MAML3: variants seen among roughly 807,000 people sequenced by gnomAD.
MAML3 encodes mastermind like transcriptional coactivator 3, also known as mastermind-like protein 3.
Under a neutral mutation model 101.9 loss-of-function variants are expected in MAML3, and 27 were observed. The observed-to-expected ratio is 0.27, with a 90% CI of 0.20 to 0.37. MAML3 has a LOEUF of 0.37. Ranked by LOEUF, MAML3 falls within the 10% of genes least tolerant of loss-of-function variation. The pLI is 1.00. For missense variants in MAML3, 1,316 were observed against 1,444.9 expected, an observed-to-expected ratio of 0.91 and a Z score of 1.45; for synonymous variants, 501 against 555.9, an observed-to-expected ratio of 0.90 and a Z score of 1.39.
rs1330196057 is a variant in MAML3 at position 139,905,513 on chromosome 4, T to A, written c.469-14546A>T. On this transcript the variant is annotated intron_variant, in intron 1 of 4. Coordinates refer to ENST00000509479, the MANE Select transcript of MAML3 (RefSeq NM_018717.5). ...TCTCAAAAAAAAAAAAAAAAATCAG[T>A]TAAATCAGTTATAGCTGGTTACAAA... Among the ~76,000 whole-genome samples the A allele has an allele frequency of 1.2e-3, 80 of 66,732 alleles. 1 individual carries two copies. The highest frequency in any genetic ancestry group is 0.011 in the East Asian group (30 of 2,754). 43.8% of individuals were successfully genotyped at this position (66,732 alleles called of 152,430 possible).
chr4:139,885,216 C>G (rs1346293611), intron 2 of MAML3, among the ~76,000 whole-genome samples: 1 of 151,696 alleles, frequency 6.6e-6, no homozygotes, highest in Non-Finnish European at 1.5e-5. Flanking sequence ...GACTGGGCAA[C>G]ATAGTGAGAC....
intron 2 of MAML3, among the ~76,000 whole-genome samples, chr4:139,861,681 A>G (rs920658995): frequency 1.3e-5 from 2 of 150,886 alleles, no homozygotes; most frequent in Non-Finnish European, 3.0e-5. Context: ...AGCCTCTCCA[A>G]CTCCTGTCGG....
At chr4:139,816,142 C>T (rs529307816) in intron 2 of MAML3, among the ~76,000 whole-genome samples, 2 of 152,172 alleles carry the variant, frequency 1.3e-5, no homozygotes, top group South Asian at 2.1e-4. Context: ...TTCAGTTTAG[C>T]TCCAACAGCC....
intron 2 of MAML3, among the ~76,000 whole-genome samples, chr4:139,733,143 T>TA (rs1042569972): frequency 2.3e-4 from 35 of 152,238 alleles, no homozygotes; most frequent in Non-Finnish European, 5.0e-4. Context: ...TGATTGGCTT[T>TA]ACACTTTAAC....
At chr4:139,851,273 T>C (rs1349197212) in intron 2 of MAML3, among the ~76,000 whole-genome samples, 2 of 152,264 alleles carry the variant, frequency 1.3e-5, no homozygotes, top group African/African-American at 2.4e-5. Context: ...ATCTATGGTC[T>C]AGGTCAGCTA....
intron 1 of MAML3, among the ~76,000 whole-genome samples, chr4:139,932,734 G>A (rs1211085448): frequency 6.6e-6 from 1 of 152,210 alleles, no homozygotes; most frequent in Non-Finnish European, 1.5e-5. Context: ...TCCCTTCAGA[G>A]TGGGTTCACC....
At chr4:140,126,891 TTAATA>T (rs1023674708) in intron 1 of MAML3, among the ~76,000 whole-genome samples, 2 of 152,218 alleles carry the variant, frequency 1.3e-5, no homozygotes, top group African/African-American at 4.8e-5. Flanking sequence ...AATGGACTCC[TTAATA>T]TATTTTGAAA....
intron 1 of MAML3, among the ~76,000 whole-genome samples, chr4:140,141,894 T>A (rs1415919254): frequency 6.6e-6 from 1 of 152,204 alleles, no homozygotes; most frequent in African/African-American, 2.4e-5. Context: ...TCCCGCCAAC[T>A]TTTTTCTCTT....
At chr4:140,147,719 A>G (rs1011077078) in intron 1 of MAML3, among the ~76,000 whole-genome samples, 1 of 152,256 alleles carries the variant, frequency 6.6e-6, no homozygotes, top group Non-Finnish European at 1.5e-5. Context: ...CAAGATGGGT[A>G]ATGTGGAAAA....
At chr4:139,741,464 G>T (rs1478053192) in intron 2 of MAML3, among the ~76,000 whole-genome samples, 1 of 152,152 alleles carries the variant, frequency 6.6e-6, no homozygotes, top group East Asian at 1.9e-4. Context: ...TTTAAATTGT[G>T]CCCTGAGCTG....
intron 2 of MAML3, among the ~76,000 whole-genome samples, chr4:139,861,298 T>C (rs137898603): frequency 6.6e-6 from 1 of 152,120 alleles, no homozygotes; most frequent in Non-Finnish European, 1.5e-5. Context: ...CCTCAACTCA[T>C]TCTCTTCTCC....
chr4:139,949,587 T>A (rs1200087586), intron 1 of MAML3, among the ~76,000 whole-genome samples: 1 of 152,222 alleles, frequency 6.6e-6, no homozygotes, highest in Non-Finnish European at 1.5e-5. Context: ...ACTATGGAAA[T>A]CTGAATATTA....
At chr4:139,933,148 A>AGGAAGGAAGGAGGGAAAGAGTGG (rs1733435360) in intron 1 of MAML3, among the ~76,000 whole-genome samples, 1 of 152,196 alleles carries the variant, frequency 6.6e-6, no homozygotes, top group Non-Finnish European at 1.5e-5. Flanking sequence ...GAAGGAAGCA[A>AGGAAGGAAGGAGGGAAAGAGTGG]GGAAGGAAGG....
At chr4:139,823,686 T>C (rs1230161329) in intron 2 of MAML3, among the ~76,000 whole-genome samples, 1 of 151,078 alleles carries the variant, frequency 6.6e-6, no homozygotes, top group Non-Finnish European at 1.5e-5. Context: ...CCATAGCACT[T>C]ATAACTGTCT....
chr4:140,154,124 G>T lies in MAML3; in HGVS notation c.-797C>A, dbSNP rs915503020. The T allele has an allele frequency of 3.3e-5, 6 of 181,984 alleles. No homozygotes were observed. Among genetic ancestry groups the T allele is most frequent in the Non-Finnish European group, 6.9e-5 (6 of 87,014 alleles). The allele number at this position is 181,984 out of a possible 1,614,324, so 11.3% of individuals were successfully genotyped here. ...TCAACTGCTCGCCGCCGCCGCCGCC[G>T]CCGCCTCCTCCTCCTCCTCTCGCTC... On this transcript the variant is annotated 5_prime_UTR_variant, in exon 1 of 5. Coordinates refer to ENST00000509479, the MANE Select transcript of MAML3 (RefSeq NM_018717.5).
In MAML3 at chr4:139,925,135, G is replaced by C. The variant is rs563283368; in HGVS notation, c.469-34168C>G. Among the ~76,000 whole-genome samples, 5 of 152,234 alleles carry C rather than the reference G, an allele frequency of 3.3e-5. No individual in the cohort carries two copies. In the South Asian group the frequency reaches 1.0e-3, roughly 32 times the overall value. ...ACCCCTAAGCAAAACATTTAGAGAG[G>C]TTCCTTTTTCATTAACCATCCCGAG... On this transcript the variant is annotated intron_variant, in intron 1 of 4. Transcript: ENST00000509479.
At chr4:139,747,660 C>A (rs544745432) in intron 2 of MAML3, among the ~76,000 whole-genome samples, 48 of 151,726 alleles carry the variant, frequency 3.2e-4, no homozygotes, top group African/African-American at 1.1e-3. Flanking sequence ...TGCCACTGCA[C>A]TCCAGCCTGG....
chr4:140,001,006 C>T (rs1386377716), intron 1 of MAML3, among the ~76,000 whole-genome samples: 2 of 151,206 alleles, frequency 1.3e-5, no homozygotes, highest in Admixed American at 6.6e-5. Flanking sequence ...CCAGCCTGGG[C>T]AACAAGAGCA....
At chr4:140,085,165 A>ATT (rs1727931607) in intron 1 of MAML3, among the ~76,000 whole-genome samples, 2 of 152,198 alleles carry the variant, frequency 1.3e-5, no homozygotes, top group African/African-American at 4.8e-5. Flanking sequence ...GCACGAAGAA[A>ATT]CAAATAAGGT....
Sources: gnomAD v4.1 joint callset for allele counts (sites outside exome capture counted in the v4.1 genomes callset) on GRCh38, gnomAD v4.1.1 for gene constraint, MANE v1.5 for transcripts, NCBI Gene and HGNC (gene_info 2026-07-23, HGNC 2026-07-21) for gene names.